The following ARHGEF18 variants were observed in gnomAD, a reference collection of about 807,000 sequenced individuals.
The protein encoded by ARHGEF18 is rho guanine nucleotide exchange factor 18.
In ARHGEF18, 93 loss-of-function variants were observed where a neutral mutation model predicts 155.7. The observed-to-expected ratio is 0.60, with a 90% confidence interval of 0.50 to 0.71. ARHGEF18 has a LOEUF of 0.71. Among genes scored for constraint, ARHGEF18 ranks in the 30% least tolerant of loss-of-function variants. The pLI, the probability that ARHGEF18 is intolerant of heterozygous loss-of-function variation, is 0.00. For missense variants in ARHGEF18, 1,593 were observed against 1,816.1 expected (o/e 0.88, Z 2.23); for synonymous variants, 742 against 753.1 (o/e 0.99, Z 0.24).
rs1219980609 is a variant in ARHGEF18 at position 7,383,120 on chromosome 19, GTGTCAATGGGCACCAGCTGT to G, written c.887_906del (p.Val296AlafsTer75). ...CAGGATGCACGAGAGAGGCGGGAGT[GTGTCAATGGGCACCAGCTGT>G]TGCAAGGGACCTTCTCCGGCCCCTC... is the stretch of plus-strand genomic sequence containing the variant. On this transcript the variant is annotated frameshift_variant, in exon 10 of 29. Coordinates refer to ENST00000668164, the MANE Select transcript of ARHGEF18 (RefSeq NM_001367823.1). LOFTEE classifies it high-confidence loss of function. 1 of 1,232,102 alleles carries G rather than the reference GTGTCAATGGGCACCAGCTGT, an allele frequency of 8.1e-7. No homozygotes were observed. The highest frequency in any genetic ancestry group is 1.6e-5 in the African/African-American group (1 of 64,396). The allele number at this position is 1,232,102 out of a possible 1,614,324, so 76.3% of individuals were successfully genotyped here. A position where few individuals can be genotyped will look rare whatever the true frequency, so the allele number is the denominator to read the frequency against.
intron 2 of ARHGEF18, among the ~76,000 whole-genome samples, chr19:7,367,840 T>TACACATATATATA (rs71177201): frequency 0.36 from 11,884 of 33,400 alleles, 4,625 homozygotes; most frequent in Non-Finnish European, 0.55. Context: ...CATATATATA[T>TACACATATATATA]TTTATATATA....
intron 10 of ARHGEF18, among the ~76,000 whole-genome samples, chr19:7,408,654 T>C (rs1016440227): frequency 1.3e-5 from 2 of 152,216 alleles, no homozygotes; most frequent in African/African-American, 4.8e-5. Flanking sequence ...GGCCCCTCTT[T>C]ATCCTGCAGT....
chr19:7,447,006 C>T lies in ARHGEF18; in HGVS notation c.1612-37C>T, dbSNP rs757641765. 22 of 1,601,138 alleles carry T rather than the reference C, an allele frequency of 1.4e-5. No homozygotes were observed. In the East Asian group the frequency reaches 2.7e-4, roughly 20 times the overall value. On this transcript the variant is annotated intron_variant, in intron 14 of 28. Transcript: ENST00000668164. ...GATGAAAATACTCTTTGGCAGTTTT[C>T]GTGTTTAATTAACATTTCCATCCTT... is the stretch of plus-strand genomic sequence containing the variant.
downstream of ARHGEF18, chr19:7,477,378 A>ACAGCGCCTCCGACTGCAT (rs1977269463): frequency 1.9e-6 from 3 of 1,555,600 alleles, no homozygotes; most frequent in African/African-American, 4.1e-5. Context: ...CTGAGAAGTG[A>ACAGCGCCTCCGACTGCAT]CAGCGCCTCC....
intron 10 of ARHGEF18, among the ~76,000 whole-genome samples, chr19:7,415,790 T>A (rs1220846013): frequency 1.3e-5 from 2 of 151,996 alleles, no homozygotes; most frequent in Non-Finnish European, 2.9e-5. Context: ...AGTTGAGCCT[T>A]GGGATTTGCA....
chr19:7,410,927 G>C (rs941887978), intron 10 of ARHGEF18, among the ~76,000 whole-genome samples: 2 of 151,286 alleles, frequency 1.3e-5, no homozygotes, highest in South Asian at 2.1e-4. Flanking sequence ...AAGGCCTCAG[G>C]GGGTGGAATA....
In ARHGEF18 at chr19:7,373,457, GTGTT is replaced by G. The variant is rs774201096; in HGVS notation, c.275+392_275+395del. Among the ~76,000 whole-genome samples the G allele has an allele frequency of 1.2e-4, 14 of 112,654 alleles. No individual in the cohort carries two copies. The South Asian group carries it at 1.3e-3, about 10-fold the overall frequency. 73.9% of individuals were successfully genotyped at this position (112,654 alleles called of 152,430 possible). A position where few individuals can be genotyped will look rare whatever the true frequency, so the allele number is the denominator to read the frequency against. On this transcript the variant is annotated intron_variant, in intron 3 of 28. Coordinates refer to ENST00000668164, the MANE Select transcript of ARHGEF18 (RefSeq NM_001367823.1). ...TCAGGCACTAGATTCTCTTGTTTTT[GTGTT>G]TGTTTTTTTTTTTTTGTTTTTGTTT...
intron 10 of ARHGEF18, among the ~76,000 whole-genome samples, chr19:7,414,858 G>A (rs1273821040): frequency 1.3e-5 from 2 of 151,832 alleles, no homozygotes; most frequent in Non-Finnish European, 2.9e-5. Flanking sequence ...AGCCGGGTGT[G>A]GGGGCAGGTG....
At position 7,470,109 on chromosome 19, in the gene ARHGEF18, C is replaced by T. The variant is rs1463579556; in HGVS notation, c.3914-17C>T. ...CCACCCGGCGACTGCTCAGTCTGAA[C>T]CCTCTCTCTGTTCCAGACCCTGGCT... is the stretch of plus-strand genomic sequence containing the variant. On this transcript the variant is annotated splice_polypyrimidine_tract_variant and intron_variant, in intron 28 of 28. Transcript: ENST00000668164. The surrounding 1 kb of genome is among the most constrained non-coding windows in gnomAD (Gnocchi z 5.9). The T allele has an allele frequency of 8.1e-6, 13 of 1,612,154 alleles. No individual in the cohort carries two copies. Among genetic ancestry groups the T allele is most frequent in the Non-Finnish European group, 1.1e-5 (13 of 1,179,672 alleles).
chr19:7,429,334 G>A (rs547599015), intron 10 of ARHGEF18, among the ~76,000 whole-genome samples: 41 of 152,276 alleles, frequency 2.7e-4, no homozygotes, highest in East Asian at 1.2e-3. Flanking sequence ...CAGGTGTGGC[G>A]GCTCATGCCT....
intron 10 of ARHGEF18, among the ~76,000 whole-genome samples, chr19:7,385,074 C>T (rs1970928336): frequency 6.6e-6 from 1 of 152,172 alleles, no homozygotes; most frequent in African/African-American, 2.4e-5. Context: ...CCCTCTTTTC[C>T]CTGGCACCTT....
chr19:7,447,015 T>G (rs758454307), intron 14 of ARHGEF18, 28 bp from the exon 15 acceptor site: 5 of 1,606,550 alleles, frequency 3.1e-6, no homozygotes, highest in Non-Finnish European at 3.4e-6. Flanking sequence ...TCGTGTTTAA[T>G]TAACATTTCC....
chr19:7,377,052 A>C (rs1458275950), intron 5 of ARHGEF18, among the ~76,000 whole-genome samples: 1 of 150,806 alleles, frequency 6.6e-6, no homozygotes, highest in African/African-American at 2.4e-5. Context: ...CTTGTCCCCA[A>C]GATTCTCTCT....
At chr19:7,367,998 A>AGAGAGGGAGGGAGGGAGGGAG in intron 2 of ARHGEF18, among the ~76,000 whole-genome samples, 1 of 69,636 alleles carries the variant, frequency 1.4e-5, no homozygotes, top group Non-Finnish European at 2.6e-5. Flanking sequence ...AGAGAGAGAG[A>AGAGAGGGAGGGAGGGAGGGAG]GAGGGAGGGA....
At chr19:7,473,715 CAGG>C (rs1344585484), downstream of ARHGEF18, among the ~76,000 whole-genome samples, 1 of 147,820 alleles carries the variant, frequency 6.8e-6, no homozygotes, top group Non-Finnish European at 1.5e-5. Flanking sequence ...GAGGCTGAAG[CAGG>C]AGAATGGCGT....
chr19:7,368,451 A>G (rs1373010690), intron 2 of ARHGEF18, among the ~76,000 whole-genome samples: 1 of 152,136 alleles, frequency 6.6e-6, no homozygotes, highest in Non-Finnish European at 1.5e-5. Flanking sequence ...CTTGCCCAAG[A>G]TATGTCAGAA....
intron 8 of ARHGEF18, 34 bp from the exon 9 acceptor site, chr19:7,382,757 GC>G (rs1970806988): frequency 1.6e-6 from 2 of 1,226,598 alleles, no homozygotes; most frequent in East Asian, 3.2e-5. Flanking sequence ...ATGGCCCCTG[GC>G]CCCCTCTAGT....
intron 10 of ARHGEF18, chr19:7,439,731 C>T: frequency 7.4e-7 from 1 of 1,347,068 alleles, no homozygotes; most frequent in Non-Finnish European, 9.5e-7. Flanking sequence ...GTCACCCTAA[C>T]ATCTGATCTA....
chr19:7,382,200 C>T (rs1970778306), intron 8 of ARHGEF18, among the ~76,000 whole-genome samples: 2 of 151,976 alleles, frequency 1.3e-5, no homozygotes. Flanking sequence ...ATCACCTAAG[C>T]CTGGCCAACA....
Sources: gnomAD v4.1 joint callset for allele counts (sites outside exome capture counted in the v4.1 genomes callset) on GRCh38, gnomAD v4.1.1 for gene constraint, Gnocchi (gnomAD v3.1) non-coding constraint, MANE v1.5 for transcripts, NCBI Gene and HGNC (gene_info 2026-07-23, HGNC 2026-07-21) for gene names.